CADM2: variants seen among roughly 807,000 people sequenced by gnomAD.
The protein encoded by CADM2 is cell adhesion molecule 2.
CADM2 carries 12 observed loss-of-function variants against 49.8 expected under a neutral mutation model. That is an observed-to-expected ratio of 0.24 (90% CI 0.15 to 0.39). The LOEUF (loss-of-function observed/expected upper bound fraction) is 0.39, where lower values mean the gene tolerates loss of function less well. Among genes scored for constraint, CADM2 ranks in the 10% least tolerant of loss-of-function variants. The probability of loss-of-function intolerance (pLI) is 1.00; values close to 1 mark genes in which losing one functional copy is unlikely to be tolerated. For synonymous variants in CADM2, 214 were observed against 175.4 expected (o/e 1.22, Z -1.74); for missense variants, 378 against 492.3 (o/e 0.77, Z 2.20).
At chr3:85,902,757 ATATT>A (rs1197311332) in intron 5 of CADM2, among the ~76,000 whole-genome samples, 5 of 151,614 alleles carry the variant, frequency 3.3e-5, no homozygotes, top group Admixed American at 1.3e-4. Flanking sequence ...CATATCATAT[ATATT>A]AACTTATCAG....
At chr3:85,363,073 C>T (rs945067831) in intron 1 of CADM2, among the ~76,000 whole-genome samples, 34 of 152,100 alleles carry the variant, frequency 2.2e-4, no homozygotes, top group African/African-American at 7.5e-4. Context: ...TCCTTAGGGT[C>T]TGTCTTTTGG....
At chr3:85,498,556 G>A (rs563116739) in intron 1 of CADM2, among the ~76,000 whole-genome samples, 1 of 152,170 alleles carries the variant, frequency 6.6e-6, no homozygotes, top group Non-Finnish European at 1.5e-5. Flanking sequence ...TAACACTGCT[G>A]TGAGGTTGAA....
intron 1 of CADM2, among the ~76,000 whole-genome samples, chr3:85,608,745 A>G (rs1338435638): frequency 6.6e-6 from 1 of 152,134 alleles, no homozygotes; most frequent in Non-Finnish European, 1.5e-5. Flanking sequence ...TATCACTAAG[A>G]TTTCTCTTGT....
At chr3:86,043,451 A>T (rs1290400781) in intron 8 of CADM2, among the ~76,000 whole-genome samples, 1 of 152,232 alleles carries the variant, frequency 6.6e-6, no homozygotes, top group African/African-American at 2.4e-5. Context: ...CAGCCAAATC[A>T]TGAGTGAACT....
chr3:85,985,088 G>T (rs912664585), intron 8 of CADM2, among the ~76,000 whole-genome samples: 5 of 151,948 alleles, frequency 3.3e-5, no homozygotes, highest in Non-Finnish European at 5.9e-5. Flanking sequence ...GCCTTGGTCT[G>T]TTTGGGGTGC....
At chr3:85,143,752 A>G (rs754201673) in intron 1 of CADM2, among the ~76,000 whole-genome samples, 5 of 152,180 alleles carry the variant, frequency 3.3e-5, no homozygotes, top group Non-Finnish European at 5.9e-5. Context: ...CCCTAGCTTC[A>G]TCACTGGCCC....
intron 1 of CADM2, among the ~76,000 whole-genome samples, chr3:85,450,702 TTAAA>T (rs55743890): frequency 0.25 from 37,422 of 151,786 alleles, 4,764 homozygotes; most frequent in South Asian, 0.34. Flanking sequence ...ACTGACATCT[TTAAA>T]TAAGAAAATC....
intron 1 of CADM2, among the ~76,000 whole-genome samples, chr3:85,019,846 G>C (rs180933777): frequency 6.6e-6 from 1 of 152,248 alleles, no homozygotes; most frequent in African/African-American, 2.4e-5. Context: ...TTCAGAATTT[G>C]AGATTCAGAA....
chr3:85,151,112 G>A (rs1014967336), intron 1 of CADM2, among the ~76,000 whole-genome samples: 5 of 152,016 alleles, frequency 3.3e-5, no homozygotes, highest in Non-Finnish European at 5.9e-5. Flanking sequence ...AAATGGGTAT[G>A]GGTAAGAAAT....
At chr3:85,811,361 T>A (rs1243483609) in intron 3 of CADM2, among the ~76,000 whole-genome samples, 5 of 152,126 alleles carry the variant, frequency 3.3e-5, no homozygotes, top group African/African-American at 9.7e-5. Flanking sequence ...AAAAGAAAAA[T>A]TATTTTAACA....
intron 3 of CADM2, among the ~76,000 whole-genome samples, chr3:85,828,870 T>G (rs1244621420): frequency 6.6e-6 from 1 of 151,914 alleles, no homozygotes; most frequent in Non-Finnish European, 1.5e-5. Flanking sequence ...CAGTAAATCC[T>G]ACTAAATGAG....
At chr3:85,150,501 A>G (rs1400900051) in intron 1 of CADM2, among the ~76,000 whole-genome samples, 1 of 152,200 alleles carries the variant, frequency 6.6e-6, no homozygotes. Context: ...CAAATTCTTT[A>G]TTAAGTTATG....
intron 1 of CADM2, among the ~76,000 whole-genome samples, chr3:85,299,251 C>T (rs2044037215): frequency 6.6e-6 from 1 of 151,940 alleles, no homozygotes; most frequent in East Asian, 1.9e-4. Flanking sequence ...ATTATAGACC[C>T]AGTTTTTTTC....
intron 1 of CADM2, among the ~76,000 whole-genome samples, chr3:85,614,426 T>C (rs2063749613): frequency 1.3e-5 from 2 of 151,698 alleles, no homozygotes; most frequent in Non-Finnish European, 2.9e-5. Context: ...CAGAGAAAAA[T>C]AATTATGATG....
At chr3:85,532,896 A>C (rs1209157634) in intron 1 of CADM2, among the ~76,000 whole-genome samples, 2 of 152,178 alleles carry the variant, frequency 1.3e-5, no homozygotes, top group East Asian at 3.9e-4. Flanking sequence ...TAGCAAACTA[A>C]TGCAGGAACG....
chr3:85,730,335 A>C (rs1316811084), intron 2 of CADM2, among the ~76,000 whole-genome samples: 1 of 152,044 alleles, frequency 6.6e-6, no homozygotes, highest in Non-Finnish European at 1.5e-5. Flanking sequence ...CCAGCTACTC[A>C]GGAGGCTGAG....
At chr3:85,386,400 C>T (rs1576461941) in intron 1 of CADM2, among the ~76,000 whole-genome samples, 2 of 152,106 alleles carry the variant, frequency 1.3e-5, no homozygotes, top group South Asian at 2.1e-4. Context: ...GGGAGAACAA[C>T]TAGATAGGGC....
chr3:85,291,078 C>T (rs1385706960), intron 1 of CADM2, among the ~76,000 whole-genome samples: 3 of 152,004 alleles, frequency 2.0e-5, no homozygotes, highest in South Asian at 2.1e-4. Flanking sequence ...ATAACCAATA[C>T]AGAGAAGTGC....
chr3:85,994,347 G>A (rs923699948), intron 8 of CADM2: 3 of 152,166 alleles, frequency 2.0e-5, no homozygotes, highest in Non-Finnish European at 4.4e-5. Flanking sequence ...AAGAGAGTTA[G>A]GGCCTTGGTC....
Sources: allele counts gnomAD v4.1 joint callset (sites outside exome capture counted in the v4.1 genomes callset), GRCh38; gene constraint gnomAD v4.1.1; transcripts MANE v1.5; gene names NCBI Gene and HGNC (gene_info 2026-07-23, HGNC 2026-07-21).